RLF: variants seen among roughly 807,000 people sequenced by gnomAD.
RLF encodes RLF zinc finger.
RLF carries 7 observed loss-of-function variants against 162.9 expected under a neutral mutation model. The ratio of observed to expected loss-of-function variants is 0.04; its 90% CI spans 0.02 to 0.08. RLF has a LOEUF of 0.08. RLF is among the 10% of genes least tolerant of loss of function. The probability of loss-of-function intolerance (pLI) is 1.00; values close to 1 mark genes in which losing one functional copy is unlikely to be tolerated. For synonymous variants in RLF, 782 were observed against 791.5 expected (o/e 0.99, Z 0.20); for missense variants, 1,664 against 2,244.7 (o/e 0.74, Z 5.23).
chr1:40,174,468 A>G (rs1642288701), intron 1 of RLF, among the ~76,000 whole-genome samples: 2 of 152,146 alleles, frequency 1.3e-5, no homozygotes, highest in Non-Finnish European at 2.9e-5. Context: ...TGGGTGCCTC[A>G]TATTGCTCCC....
At chr1:40,205,347 A>AAAAAT (rs923662973) in intron 5 of RLF, among the ~76,000 whole-genome samples, 2 of 152,288 alleles carry the variant, frequency 1.3e-5, no homozygotes, top group East Asian at 1.9e-4. Flanking sequence ...CTGTCTTCAA[A>AAAAAT]AAAATAAAAT....
chr1:40,183,622 A>T (rs970363820), intron 1 of RLF, among the ~76,000 whole-genome samples: 23 of 152,162 alleles, frequency 1.5e-4, no homozygotes, highest in Non-Finnish European at 1.2e-4. Context: ...GAAAAGGCAT[A>T]AAGAAAGCGT....
chr1:40,222,372 G>T (rs1643011672), intron 5 of RLF, among the ~76,000 whole-genome samples: 1 of 152,154 alleles, frequency 6.6e-6, no homozygotes, highest in South Asian at 2.1e-4. Flanking sequence ...TCTGTATTGA[G>T]ACTGTAGTAG....
At chr1:40,219,325 A>G (rs945398679) in intron 5 of RLF, among the ~76,000 whole-genome samples, 16 of 152,170 alleles carry the variant, frequency 1.1e-4, no homozygotes, top group Non-Finnish European at 1.8e-4. Flanking sequence ...AGTGCTTGTC[A>G]TGTGAAGATC....
chr1:40,221,824 C>T (rs369643839), intron 5 of RLF, among the ~76,000 whole-genome samples: 5 of 144,002 alleles, frequency 3.5e-5, no homozygotes, highest in East Asian at 2.0e-4. Flanking sequence ...GGCTTGAACC[C>T]GGAAGTCGGA....
intron 5 of RLF, among the ~76,000 whole-genome samples, chr1:40,215,364 A>G (rs141681184): frequency 6.6e-6 from 1 of 152,352 alleles, no homozygotes; most frequent in African/African-American, 2.4e-5. Context: ...TCTATTCTCC[A>G]GGATAGACCA....
At chr1:40,217,992 AT>A (rs2124551306) in intron 5 of RLF, among the ~76,000 whole-genome samples, 1 of 152,286 alleles carries the variant, frequency 6.6e-6, no homozygotes, top group Non-Finnish European at 1.5e-5. Flanking sequence ...GAGTTGTAAG[AT>A]TTAAGGATAG....
chr1:40,214,983 A>G (rs1170494409), intron 5 of RLF, among the ~76,000 whole-genome samples: 1 of 151,432 alleles, frequency 6.6e-6, no homozygotes, highest in African/African-American at 2.4e-5. Flanking sequence ...AATAGAGAAT[A>G]TCAGTAAAAA....
chr1:40,178,632 G>GTTTTTTTTTTTTTT (rs57391266), intron 1 of RLF, among the ~76,000 whole-genome samples: 6 of 88,394 alleles, frequency 6.8e-5, no homozygotes, highest in Admixed American at 1.2e-4. Flanking sequence ...TTTTTTTTTT[G>GTTTTTTTTTTTTTT]TTTTTTTTTT....
chr1:40,232,229 A>T (rs1252037482), intron 7 of RLF, among the ~76,000 whole-genome samples: 1 of 151,920 alleles, frequency 6.6e-6, no homozygotes, highest in Non-Finnish European at 1.5e-5. Context: ...AAAAAAAAAA[A>T]AGAACATTTC....
chr1:40,228,721 A>G (rs1239684030), intron 6 of RLF, among the ~76,000 whole-genome samples: 1 of 132,562 alleles, frequency 7.5e-6, no homozygotes, highest in East Asian at 2.0e-4. Flanking sequence ...TCCTGGGCTC[A>G]AGTGATCTCC....
chr1:40,194,219 TA>T (rs940069083), intron 3 of RLF, among the ~76,000 whole-genome samples: 10 of 152,224 alleles, frequency 6.6e-5, no homozygotes, highest in African/African-American at 2.4e-4. Context: ...AGCAATTTTT[TA>T]GACGAATTTA....
Position 40,239,836 on chromosome 1 carries a change from T to TGTG in RLF, c.5134_5135insGTG (p.Tyr1712delinsCysAsp). 6.2e-7 allele frequency: 1 copy of TGTG among 1,614,066 alleles called. No individual in the cohort carries two copies. Among genetic ancestry groups the TGTG allele is most frequent in the South Asian group, 1.1e-5 (1 of 91,086 alleles). ...TCCCAATGGGACTGAAAGTGGGACT[T>TGTG]ATTTCACAAGTTTCCAGCTGCCTTT... On this transcript the variant is annotated protein_altering_variant, in exon 8 of 8. Transcript: ENST00000372771.
intron 1 of RLF, among the ~76,000 whole-genome samples, chr1:40,167,834 G>A (rs946828517): frequency 1.3e-5 from 2 of 151,396 alleles, no homozygotes; most frequent in Admixed American, 6.6e-5. Context: ...CTCACTAAAT[G>A]CTTGTTGATC....
rs376684322 is a variant in RLF at position 40,188,342 on chromosome 1, G to A, written c.238-713G>A. Among the ~76,000 whole-genome samples the A allele has an allele frequency of 8.5e-5, 13 of 152,212 alleles. 1 individual carries two copies. Among genetic ancestry groups the A allele is most frequent in the East Asian group, 3.9e-4 (2 of 5,182 alleles). ...TTTATTGTGGTTTCATTTTCTTTTG[G>A]TTTAGATTCAATACTCACCAGATAA... On this transcript the variant is annotated intron_variant, in intron 1 of 7. Transcript: ENST00000372771.
chr1:40,200,926 A>G lies in RLF; in HGVS notation c.608-1486A>G, dbSNP rs895927675. On this transcript the variant is annotated intron_variant, in intron 4 of 7. Transcript: ENST00000372771. ...CACACACACACACACACACACACAC[A>G]CACACACACACACTGGTTTATCCTT... Among the ~76,000 whole-genome samples, 137 of 122,764 alleles carry G rather than the reference A, an allele frequency of 1.1e-3. 1 individual carries two copies. The highest frequency in any genetic ancestry group is 4.7e-3 in the African/African-American group (130 of 27,846). The allele number at this position is 122,764 out of a possible 152,430, so 80.5% of individuals were successfully genotyped here. A position where few individuals can be genotyped will look rare whatever the true frequency, so the allele number is the denominator to read the frequency against.
intron 5 of RLF, among the ~76,000 whole-genome samples, chr1:40,209,298 C>T (rs1452950224): frequency 6.6e-6 from 1 of 152,202 alleles, no homozygotes; most frequent in Non-Finnish European, 1.5e-5. Context: ...GGCCAGGTAG[C>T]TTTATTTTCC....
At chr1:40,186,500 C>G (rs1361792036) in intron 1 of RLF, among the ~76,000 whole-genome samples, 1 of 152,112 alleles carries the variant, frequency 6.6e-6, no homozygotes, top group Non-Finnish European at 1.5e-5. Flanking sequence ...TACAGAAGTC[C>G]TGGTGGAATG....
intron 5 of RLF, among the ~76,000 whole-genome samples, chr1:40,209,312 T>G (rs1337742444): frequency 1.3e-5 from 2 of 152,224 alleles, no homozygotes; most frequent in Non-Finnish European, 2.9e-5. Context: ...ATTTTCCTTA[T>G]CTATAAAGTA....
Sources: allele counts gnomAD v4.1 joint callset (sites outside exome capture counted in the v4.1 genomes callset), GRCh38; gene constraint gnomAD v4.1.1; transcripts MANE v1.5; gene names NCBI Gene and HGNC (gene_info 2026-07-23, HGNC 2026-07-21).